The following KIF15 variants were observed in gnomAD, a reference collection of about 807,000 sequenced individuals.
The protein encoded by KIF15 is kinesin-like protein KIF15.
KIF15 carries 140 observed loss-of-function variants against 190.6 expected under a neutral mutation model. The ratio of observed to expected loss-of-function variants is 0.73; its 90% CI spans 0.64 to 0.84. KIF15 has a LOEUF of 0.84. KIF15 is among the 40% of genes least tolerant of loss of function. KIF15 has a pLI of 0.00. For missense variants in KIF15, 1,372 were observed against 1,584.4 expected (o/e 0.87, Z 2.28); for synonymous variants, 528 against 551.3 (o/e 0.96, Z 0.59).
At chr3:44,828,151 C>A in intron 23 of KIF15, 63 bp from the exon 24 acceptor site, 1 of 1,124,994 alleles carries the variant, frequency 8.9e-7, no homozygotes. Context: ...ACTTGTTTAT[C>A]TGTGTGTATG....
At chr3:44,765,437 A>T (rs1705335216) in intron 1 of KIF15, among the ~76,000 whole-genome samples, 1 of 152,094 alleles carries the variant, frequency 6.6e-6, no homozygotes, top group Non-Finnish European at 1.5e-5. Context: ...TAAGCCTTTG[A>T]TATTGCTCCT....
intron 6 of KIF15, among the ~76,000 whole-genome samples, chr3:44,866,318 C>T (rs890354211): frequency 1.3e-4 from 20 of 152,186 alleles, no homozygotes; most frequent in Non-Finnish European, 1.8e-4. Context: ...GTGATCTGCC[C>T]GCCTCAGCCT....
chr3:44,867,382 A>T (rs906935379), intron 6 of KIF15, among the ~76,000 whole-genome samples: 1 of 152,196 alleles, frequency 6.6e-6, no homozygotes. Flanking sequence ...CCATTCTACC[A>T]GTGAAGAAGC....
At position 44,848,047 on chromosome 3, in the gene KIF15, G is replaced by A; in HGVS notation, c.3758G>A (p.Arg1253Lys). 6.2e-7 allele frequency: 1 copy of A among 1,604,998 alleles called. No individual in the cohort carries two copies. Among genetic ancestry groups the A allele is most frequent in the Admixed American group, 1.7e-5 (1 of 59,338 alleles). The change falls in exon 31 of 35, where the codon AGA (arginine) becomes AAA (lysine). Residue 1253 changes from arginine to lysine, a missense_variant. Arg to Lys is a conservative substitution (Grantham distance 26, BLOSUM62 2). Coordinates refer to ENST00000326047, the MANE Select transcript of KIF15 (RefSeq NM_020242.3). The stretch of plus-strand genomic sequence containing the variant: ...GAACAAGAAGAAAGTATCAAAGAAA[G>A]ACTTGCAAAAGTAAGATTTTTTTTT... ...KNEQEESIKERLAKSKIVEEM... is the reference protein window; with the variant it reads ...KNEQEESIKEKLAKSKIVEEM...
At chr3:44,779,376 A>G (rs962412098) in intron 4 of KIF15, among the ~76,000 whole-genome samples, 24 of 152,308 alleles carry the variant, frequency 1.6e-4, no homozygotes, top group African/African-American at 4.6e-4. Flanking sequence ...GTTTGTTGCT[A>G]TTGGAATGCC....
At chr3:44,837,733 G>A (rs1479874213) in intron 26 of KIF15, among the ~76,000 whole-genome samples, 2 of 152,100 alleles carry the variant, frequency 1.3e-5, no homozygotes, top group Admixed American at 1.3e-4. Context: ...TGTGTACATA[G>A]AAATTATGTA....
intron 20 of KIF15, among the ~76,000 whole-genome samples, chr3:44,825,433 A>G (rs755894822): frequency 1.3e-5 from 2 of 152,188 alleles, no homozygotes; most frequent in African/African-American, 4.8e-5. Flanking sequence ...TCTGCTTTGG[A>G]TGATCCAGAG....
At position 44,801,803 on chromosome 3, in the gene KIF15, C is replaced by T; in HGVS notation, c.1338C>T (p.Thr446=). The change falls in exon 13 of 35, where the codon ACC becomes ACT. Residue 446 remains threonine (T), a synonymous_variant. Coordinates refer to ENST00000326047, the MANE Select transcript of KIF15 (RefSeq NM_020242.3). ...AAGTTACCCAATTAGAAGACCTCAC[C>T]CTCAAAAAGGAAAAATTTATTCAAT... ...IEKVTQLEDL[T]LKKEKFIQSN... 3 of 1,601,788 alleles carry T rather than the reference C, an allele frequency of 1.9e-6. No individual in the cohort carries two copies. The highest frequency in any genetic ancestry group is 2.6e-6 in the Non-Finnish European group (3 of 1,170,730).
chr3:44,851,081 A>G (rs1248733571), intron 32 of KIF15, among the ~76,000 whole-genome samples: 6 of 152,170 alleles, frequency 3.9e-5, no homozygotes, highest in African/African-American at 9.7e-5. Flanking sequence ...TGGGCAACAT[A>G]GCAAGACTCC....
At position 44,797,550 on chromosome 3, in the gene KIF15, G is replaced by A. The variant is rs1260281119; in HGVS notation, c.850-1G>A. 6.2e-7 allele frequency: 1 copy of A among 1,613,120 alleles called. No homozygotes were observed. The highest frequency in any genetic ancestry group is 8.5e-7 in the Non-Finnish European group (1 of 1,179,634). ...TTTGTTCTTTTCCGTCAACACTTTA[G>A]GAAGCAGGTAACATAAATCGATCAT... On this transcript the variant is annotated splice_acceptor_variant, in intron 8 of 34. Coordinates refer to ENST00000326047, the MANE Select transcript of KIF15 (RefSeq NM_020242.3). LOFTEE classifies it high-confidence loss of function.
At chr3:44,841,512 C>A (rs1380431698) in intron 29 of KIF15, among the ~76,000 whole-genome samples, 1 of 151,854 alleles carries the variant, frequency 6.6e-6, no homozygotes, top group Non-Finnish European at 1.5e-5. Flanking sequence ...GTTCTCCTGC[C>A]TCAGCCTCCC....
At position 44,851,949 on chromosome 3, in the gene KIF15, C is replaced by T; in HGVS notation, c.3969C>T (p.Ser1323=). ...TGTATGAAGAAAGAGAGAGAACATCCCAGGTGTGCTAGTGTGTTGGTGTTT... is the reference window on the plus strand; with the variant it reads ...TGTATGAAGAAAGAGAGAGAACATCTCAGGTGTGCTAGTGTGTTGGTGTTT... ...EEMYEERERT[S]QEMEMLRKQV... is the part of the protein sequence containing the mutation. Residue 1323 remains serine, a synonymous_variant, in exon 33 of 35, where the codon TCC becomes TCT. Transcript: ENST00000326047. 6.2e-7 allele frequency: 1 copy of T among 1,612,304 alleles called. No individual in the cohort carries two copies. Among genetic ancestry groups the T allele is most frequent in the Non-Finnish European group, 8.5e-7 (1 of 1,179,210 alleles).
In KIF15 at chr3:44,812,281, A is replaced by C. The variant is rs1218768029; in HGVS notation, c.2269A>C (p.Met757Leu). Residue 757 changes from methionine (M) to leucine (L), a missense_variant, in exon 18 of 35, where the codon ATG (methionine) becomes CTG (leucine). Physicochemically the swap from Met to Leu is conservative, Grantham distance 15. Coordinates refer to ENST00000326047, the MANE Select transcript of KIF15 (RefSeq NM_020242.3). ...VDKLEHHSTQMQELFSSERID... is the reference protein window; with the variant it reads ...VDKLEHHSTQLQELFSSERID... Reference sequence around the variant, plus strand: ...CAAACTGGAACATCATTCTACCCAAATGCAGGAGGTGAGACCAAGAGCACA... The same window carrying C: ...CAAACTGGAACATCATTCTACCCAACTGCAGGAGGTGAGACCAAGAGCACA... 1 of 1,612,418 alleles carries C rather than the reference A, an allele frequency of 6.2e-7. No homozygotes were observed.
rs544447744 is a variant in KIF15, at chr3:44,768,267, C to T, written c.20-6128C>T. Among the ~76,000 whole-genome samples, 215 of 149,690 alleles carry T rather than the reference C, an allele frequency of 1.4e-3. 1 individual carries two copies. Among genetic ancestry groups the T allele is most frequent in the African/African-American group, 4.8e-3 (195 of 40,618 alleles). ...CCAGCCTGGTGACAGAGCAAGACTC[C>T]GTCTCAAAAAAAAAAGAAAAGAAAA... On this transcript the variant is annotated intron_variant, in intron 1 of 34. Coordinates refer to ENST00000326047, the MANE Select transcript of KIF15 (RefSeq NM_020242.3).
chr3:44,800,089 G>A (rs1387295351), intron 10 of KIF15, among the ~76,000 whole-genome samples: 2 of 152,150 alleles, frequency 1.3e-5, no homozygotes, highest in Non-Finnish European at 2.9e-5. Flanking sequence ...GGGGCAGAGA[G>A]CCTGGCTGGG....
intron 4 of KIF15, among the ~76,000 whole-genome samples, chr3:44,780,666 G>T (rs1040473865): frequency 2.6e-5 from 4 of 152,166 alleles, no homozygotes; most frequent in Non-Finnish European, 4.4e-5. Context: ...GGCTATGTTT[G>T]TGTAATATAG....
intron 14 of KIF15, 75 bp downstream of exon 14, chr3:44,803,066 C>CT (rs1707351048): frequency 1.5e-6 from 2 of 1,337,264 alleles, no homozygotes; most frequent in South Asian, 3.1e-5. Context: ...TGCCTTGTGA[C>CT]TAGGGTCTTC....
intron 6 of KIF15, chr3:44,862,387 C>A (rs1490980247): frequency 6.4e-6 from 1 of 155,066 alleles, no homozygotes; most frequent in African/African-American, 2.4e-5. Context: ...ACTGAGGCCT[C>A]TTCCCTTACC....
intron 7 of KIF15, among the ~76,000 whole-genome samples, chr3:44,790,875 T>C (rs1433292010): frequency 6.6e-6 from 1 of 152,002 alleles, no homozygotes; most frequent in East Asian, 1.9e-4. Context: ...GTATTTTTAG[T>C]AGAGATGAGG....
Sources: gnomAD v4.1 joint callset for allele counts (sites outside exome capture counted in the v4.1 genomes callset) on GRCh38, gnomAD v4.1.1 for gene constraint, MANE v1.5 for transcripts, NCBI Gene and HGNC (gene_info 2026-07-23, HGNC 2026-07-21) for gene names.